Variants in RORA observed in about 807,000 individuals in gnomAD.
The protein encoded by RORA is RAR related orphan receptor A, also known as nuclear receptor ROR-alpha.
RORA carries 7 observed loss-of-function variants against 69.5 expected under a neutral mutation model. That is an observed-to-expected ratio of 0.10 (90% confidence interval 0.06 to 0.19). The LOEUF is 0.19. RORA is among the 10% of genes least tolerant of loss of function. The pLI is 1.00. For synonymous variants in RORA, 261 were observed against 240.8 expected (o/e 1.08, Z -0.78); for missense variants, 457 against 663.0 (o/e 0.69, Z 3.41).
chr15:61,099,846 A>T (rs567066579), intron 1 of RORA, among the ~76,000 whole-genome samples: 1 of 152,230 alleles, frequency 6.6e-6, no homozygotes, highest in Non-Finnish European at 1.5e-5. Context: ...TTCTACCCTT[A>T]GGTGAATGAA....
At chr15:60,916,022 A>G (rs1288370138) in intron 1 of RORA, among the ~76,000 whole-genome samples, 1 of 152,202 alleles carries the variant, frequency 6.6e-6, no homozygotes, top group Non-Finnish European at 1.5e-5. Context: ...TTAACCCATT[A>G]TTTCACTCAC....
At chr15:60,817,316 C>A (rs1426224316) in intron 1 of RORA, among the ~76,000 whole-genome samples, 1 of 152,120 alleles carries the variant, frequency 6.6e-6, no homozygotes, top group East Asian at 1.9e-4. Flanking sequence ...TGTGCAATAG[C>A]ATTATGTCTA....
In RORA at chr15:61,099,610, C is replaced by T. The variant is rs568848469; in HGVS notation, c.166+129443G>A. Among the ~76,000 whole-genome samples, 5 of 152,310 alleles carry T rather than the reference C, an allele frequency of 3.3e-5. No homozygotes were observed. The South Asian group carries it at 6.2e-4, about 19-fold the overall frequency. ...TACTTATTACTTCAAAACCAACACA[C>T]GCAACGCATACCTCCTACCGAAAAA... On this transcript the variant is annotated intron_variant, in intron 1 of 10. Coordinates refer to ENST00000335670, the MANE Select transcript of RORA (RefSeq NM_134261.3).
At chr15:60,823,470 G>T (rs1036666838) in intron 1 of RORA, among the ~76,000 whole-genome samples, 2 of 152,172 alleles carry the variant, frequency 1.3e-5, no homozygotes, top group Non-Finnish European at 2.9e-5. Flanking sequence ...CAGATGGTAG[G>T]CTTCATGGAT....
chr15:61,070,824 C>T (rs1164650382), intron 1 of RORA, among the ~76,000 whole-genome samples: 1 of 152,142 alleles, frequency 6.6e-6, no homozygotes, highest in Non-Finnish European at 1.5e-5. Context: ...CTACATTATG[C>T]TTGACACAGG....
At chr15:60,997,663 T>A (rs1894600910) in intron 1 of RORA, among the ~76,000 whole-genome samples, 1 of 152,188 alleles carries the variant, frequency 6.6e-6, no homozygotes, top group African/African-American at 2.4e-5. Context: ...ATCTTCCACA[T>A]GATAGTTATG....
At chr15:60,811,630 AT>A (rs2072744013) in intron 1 of RORA, among the ~76,000 whole-genome samples, 1 of 152,242 alleles carries the variant, frequency 6.6e-6, no homozygotes, top group Admixed American at 6.5e-5. Context: ...GACCAATGAT[AT>A]AATACAGAAA....
rs574043403 is a variant in RORA at position 60,831,404 on chromosome 15, A to G, written c.167-152718T>C. Among the ~76,000 whole-genome samples the G allele has an allele frequency of 2.0e-5, 3 of 152,018 alleles. No individual in the cohort carries two copies. The South Asian group carries it at 6.2e-4, about 32-fold the overall frequency. ...TCCTGACATCCCAGCTTGAGAGTGGATACTACCTCCTAATAGCAAAGGACA... is the reference window on the plus strand; with the variant it reads ...TCCTGACATCCCAGCTTGAGAGTGGGTACTACCTCCTAATAGCAAAGGACA... On this transcript the variant is annotated intron_variant, in intron 1 of 10. Coordinates refer to ENST00000335670, the MANE Select transcript of RORA (RefSeq NM_134261.3).
chr15:60,510,597 T>C (rs2065662863), intron 5 of RORA: 1 of 152,346 alleles, frequency 6.6e-6, no homozygotes, highest in Non-Finnish European at 1.5e-5. Context: ...AAAAATGAGA[T>C]GCCTACAGGG....
chr15:60,651,424 A>G (rs559325044), intron 2 of RORA, among the ~76,000 whole-genome samples: 20 of 152,302 alleles, frequency 1.3e-4, no homozygotes, highest in African/African-American at 4.6e-4. Context: ...CGCTGCATAC[A>G]TACTTAGCTA....
intron 1 of RORA, among the ~76,000 whole-genome samples, chr15:60,863,345 A>T (rs935366442): frequency 6.6e-6 from 1 of 152,138 alleles, no homozygotes; most frequent in African/African-American, 2.4e-5. Context: ...TCATTCATTT[A>T]AAAAAAATTC....
chr15:61,056,185 G>A (rs535513373), intron 1 of RORA, among the ~76,000 whole-genome samples: 9 of 152,236 alleles, frequency 5.9e-5, no homozygotes, highest in East Asian at 1.9e-4. Context: ...GTGAGCACCC[G>A]TTTTGGAGTG....
intron 2 of RORA, among the ~76,000 whole-genome samples, chr15:60,619,167 T>C (rs2069337621): frequency 6.6e-6 from 1 of 152,240 alleles, no homozygotes; most frequent in Non-Finnish European, 1.5e-5. Context: ...TGTTTCATAA[T>C]GTAAAGTGCA....
At chr15:60,725,882 G>A (rs1449494429) in intron 1 of RORA, among the ~76,000 whole-genome samples, 2 of 152,214 alleles carry the variant, frequency 1.3e-5, no homozygotes, top group Non-Finnish European at 2.9e-5. Context: ...ATATAGAGCA[G>A]TCTTCAGGCA....
chr15:60,958,263 GC>G (rs1387723997), intron 1 of RORA, among the ~76,000 whole-genome samples: 2 of 152,156 alleles, frequency 1.3e-5, no homozygotes, highest in African/African-American at 4.8e-5. Flanking sequence ...AATTACCTGA[GC>G]CTTTGCGTGC....
intron 1 of RORA, among the ~76,000 whole-genome samples, chr15:61,038,221 C>T (rs372876068): frequency 1.3e-5 from 2 of 152,086 alleles, no homozygotes; most frequent in African/African-American, 2.4e-5. Flanking sequence ...TTAGCCAAAG[C>T]GCAAGTCTGG....
intron 1 of RORA, among the ~76,000 whole-genome samples, chr15:61,157,691 C>A (rs986151402): frequency 3.3e-5 from 5 of 152,170 alleles, no homozygotes; most frequent in Admixed American, 6.5e-5. Context: ...AGCTCTCTCC[C>A]ATTAGTGTAT....
intron 1 of RORA, among the ~76,000 whole-genome samples, chr15:60,771,227 T>C (rs1382231714): frequency 6.6e-6 from 1 of 152,108 alleles, no homozygotes; most frequent in Non-Finnish European, 1.5e-5. Flanking sequence ...TACTTTCCCA[T>C]CTGGAATGCC....
intron 1 of RORA, among the ~76,000 whole-genome samples, chr15:61,077,079 G>A (rs771571829): frequency 8.5e-5 from 13 of 152,208 alleles, no homozygotes; most frequent in Admixed American, 3.3e-4. Flanking sequence ...AAACACTGCA[G>A]TGGGATCAGC....
Sources: gnomAD v4.1 joint callset for allele counts (sites outside exome capture counted in the v4.1 genomes callset) on GRCh38, gnomAD v4.1.1 for gene constraint, MANE v1.5 for transcripts, NCBI Gene and HGNC (gene_info 2026-07-23, HGNC 2026-07-21) for gene names.